SYNPR: variants seen among roughly 807,000 people sequenced by gnomAD.
SYNPR encodes synaptoporin.
In SYNPR, 23 loss-of-function variants were observed where a neutral mutation model predicts 32.9. That is an observed-to-expected ratio of 0.70 (90% confidence interval 0.50 to 0.99). SYNPR has a LOEUF of 0.99. SYNPR is among the 50% of genes least tolerant of loss of function. The pLI, the probability that SYNPR is intolerant of heterozygous loss-of-function variation, is 0.00. For missense variants in SYNPR, 318 were observed against 349.3 expected (o/e 0.91, Z 0.71); for synonymous variants, 146 against 135.9 (o/e 1.07, Z -0.52).
At chr3:63,595,918 G>GTTTTATATATATAGTTATATATATATAA (rs1699951085) in intron 4 of SYNPR, among the ~76,000 whole-genome samples, 1 of 48,286 alleles carries the variant, frequency 2.1e-5, no homozygotes, top group African/African-American at 8.5e-5. Flanking sequence ...TATATATATA[G>GTTTTATATATATAGTTATATATATATAA]TTTTATATAT....
intron 2 of SYNPR, among the ~76,000 whole-genome samples, chr3:63,450,940 A>G (rs1700369315): frequency 6.6e-6 from 1 of 152,186 alleles, no homozygotes; most frequent in African/African-American, 2.4e-5. Context: ...AGCATTCCCA[A>G]AAAGAAAACT....
chr3:63,417,200 A>G (rs1340578464), intron 2 of SYNPR, among the ~76,000 whole-genome samples: 3 of 152,230 alleles, frequency 2.0e-5, no homozygotes, highest in African/African-American at 7.2e-5. Context: ...GCCCAAAGAA[A>G]GGGGCCAGAG....
At chr3:63,508,323 G>A (rs1241089239) in intron 3 of SYNPR, among the ~76,000 whole-genome samples, 1 of 152,084 alleles carries the variant, frequency 6.6e-6, no homozygotes, top group Admixed American at 6.6e-5. Flanking sequence ...ACTTTCTGGA[G>A]CTCTCATTCT....
chr3:63,547,379 A>T (rs1361292393), intron 3 of SYNPR, among the ~76,000 whole-genome samples: 1 of 152,088 alleles, frequency 6.6e-6, no homozygotes, highest in African/African-American at 2.4e-5. Flanking sequence ...CTCAGTCCCT[A>T]CTTCGAATTT....
In SYNPR at chr3:63,243,590, A is replaced by C. The variant is rs541988251; in HGVS notation, n.67-8909A>C. Among the ~76,000 whole-genome samples, 15 of 152,246 alleles carry C rather than the reference A, an allele frequency of 9.9e-5. No individual in the cohort carries two copies. In the East Asian group the frequency reaches 2.9e-3, roughly 29 times the overall value. ...TCTTCCAATAATGCTAACTCCTGCCAAACTTTTATCAAGCATGTAGCTTGG... is the reference window on the plus strand; with the variant it reads ...TCTTCCAATAATGCTAACTCCTGCCCAACTTTTATCAAGCATGTAGCTTGG... On this transcript the variant is annotated intron_variant and non_coding_transcript_variant, in intron 1 of 4. Coordinates refer to the SYNPR transcript ENST00000478456.
chr3:63,597,584 G>A, intron 4 of SYNPR, among the ~76,000 whole-genome samples: 1 of 152,206 alleles, frequency 6.6e-6, no homozygotes, highest in Non-Finnish European at 1.5e-5. Context: ...ATTGTTTATT[G>A]CTCGTTCCCA....
chr3:63,539,338 C>T (rs867572037), intron 3 of SYNPR, among the ~76,000 whole-genome samples: 20 of 152,142 alleles, frequency 1.3e-4, no homozygotes, highest in East Asian at 5.8e-4. Context: ...TTCCTGGGCT[C>T]GAGTTTCTAA....
At chr3:63,396,762 G>T (rs568459978) in intron 2 of SYNPR, among the ~76,000 whole-genome samples, 2 of 152,030 alleles carry the variant, frequency 1.3e-5, no homozygotes, top group African/African-American at 2.4e-5. Flanking sequence ...ATAACTTCAG[G>T]CTTCTTGAGT....
At chr3:63,519,159 C>T (rs1701857992) in intron 3 of SYNPR, among the ~76,000 whole-genome samples, 1 of 152,112 alleles carries the variant, frequency 6.6e-6, no homozygotes, top group Non-Finnish European at 1.5e-5. Flanking sequence ...TGGATTCGGC[C>T]TGCTAGTATT....
intron 3 of SYNPR, among the ~76,000 whole-genome samples, chr3:63,536,399 T>C (rs899898648): frequency 6.6e-6 from 1 of 152,046 alleles, no homozygotes. Context: ...GAAATGCAAA[T>C]CAAAACTACA....
intron 4 of SYNPR, among the ~76,000 whole-genome samples, chr3:63,605,712 A>C (rs6445368): frequency 0.83 from 126,784 of 152,190 alleles, 53,122 homozygotes; most frequent in African/African-American, 0.92. Flanking sequence ...ATGTGGTGGG[A>C]AAGAAAGCAT....
intron 3 of SYNPR, among the ~76,000 whole-genome samples, chr3:63,547,858 A>T (rs1160213685): frequency 6.6e-6 from 1 of 152,202 alleles, no homozygotes; most frequent in Non-Finnish European, 1.5e-5. Context: ...ACTTAATAGT[A>T]ATCACTTGAT....
intron 2 of SYNPR, among the ~76,000 whole-genome samples, chr3:63,422,621 T>C (rs1402588599): frequency 6.6e-6 from 1 of 152,162 alleles, no homozygotes; most frequent in East Asian, 1.9e-4. Flanking sequence ...AAAAACATTT[T>C]CACCCATCAG....
intron 2 of SYNPR, among the ~76,000 whole-genome samples, chr3:63,429,652 G>C (rs1559497158): frequency 6.6e-6 from 1 of 152,146 alleles, no homozygotes; most frequent in Non-Finnish European, 1.5e-5. Flanking sequence ...TTTTAAAATA[G>C]AGTTGATGGA....
In SYNPR at chr3:63,556,652, G is replaced by A. The variant is rs1575709227; in HGVS notation, c.319G>A (p.Val107Ile). 1 of 1,613,850 alleles carries A rather than the reference G, an allele frequency of 6.2e-7. No homozygotes were observed. The highest frequency in any genetic ancestry group is 8.5e-7 in the Non-Finnish European group (1 of 1,179,838). ...AGCAGAGTTCTTCGTCACTGTTGCT[G>A]TCTTCGCCTTCCTCTACTCTTTGGC... Reference protein sequence around the residue: ...SSAEFFVTVAVFAFLYSLAAT... With the variant: ...SSAEFFVTVAIFAFLYSLAAT... The change falls in exon 4 of 6, where the codon GTC (valine) becomes ATC (isoleucine). Residue 107 changes from valine (V) to isoleucine (I), a missense_variant. Coordinates refer to ENST00000478300, the MANE Select transcript of SYNPR (RefSeq NM_001130003.2).
At chr3:63,608,706 C>T (rs1700157481) in intron 4 of SYNPR, among the ~76,000 whole-genome samples, 1 of 152,134 alleles carries the variant, frequency 6.6e-6, no homozygotes, top group South Asian at 2.1e-4. Context: ...AGAACTTGGA[C>T]TCAATATTCA....
At chr3:63,282,586 G>A (rs1328612340) in intron 2 of SYNPR, among the ~76,000 whole-genome samples, 3 of 151,862 alleles carry the variant, frequency 2.0e-5, no homozygotes, top group Admixed American at 6.6e-5. Context: ...CTGAAACTGA[G>A]GTGGGAGGAT....
rs1365126274 is a variant in SYNPR, at chr3:63,422,080, T to C, written c.85-58752T>C. 2.6e-5 allele frequency among the ~76,000 whole-genome samples: 4 copies of C among 152,196 alleles called. No individual in the cohort carries two copies. The East Asian group carries it at 7.7e-4, about 29-fold the overall frequency. Reference sequence around the variant, plus strand: ...CATAATGTAGGCTAATCAGTGAGTGTTGTATCATTATTTTTACAGGTTCCA... The same window carrying C: ...CATAATGTAGGCTAATCAGTGAGTGCTGTATCATTATTTTTACAGGTTCCA... On this transcript the variant is annotated intron_variant, in intron 2 of 5. Coordinates refer to ENST00000478300, the MANE Select transcript of SYNPR (RefSeq NM_001130003.2).
At chr3:63,509,313 T>C (rs1346464910) in intron 3 of SYNPR, among the ~76,000 whole-genome samples, 2 of 150,682 alleles carry the variant, frequency 1.3e-5, no homozygotes, top group African/African-American at 2.4e-5. Flanking sequence ...CACACATATA[T>C]ATAACTGAAA....
Sources: gnomAD v4.1 joint callset for allele counts (sites outside exome capture counted in the v4.1 genomes callset) on GRCh38, gnomAD v4.1.1 for gene constraint, MANE v1.5 for transcripts, NCBI Gene and HGNC (gene_info 2026-07-23, HGNC 2026-07-21) for gene names.